PTPRD: variants seen among roughly 807,000 people sequenced by gnomAD.
PTPRD encodes the protein receptor-type tyrosine-protein phosphatase delta.
Under a neutral mutation model 214.5 loss-of-function variants are expected in PTPRD, and 34 were observed. The ratio of observed to expected loss-of-function variants is 0.16; its 90% confidence interval spans 0.12 to 0.21. The LOEUF is 0.21. PTPRD is among the 10% of genes least tolerant of loss of function. PTPRD has a pLI of 1.00. For missense variants in PTPRD, 2,545 were observed against 2,398.7 expected, an observed-to-expected ratio of 1.06 and a Z score of -1.27; for synonymous variants, 1,128 against 845.7, an observed-to-expected ratio of 1.33 and a Z score of -5.79.
chr9:8,634,799 A>G (rs1349090973), intron 13 of PTPRD, among the ~76,000 whole-genome samples: 1 of 151,860 alleles, frequency 6.6e-6, no homozygotes, highest in African/African-American at 2.4e-5. Flanking sequence ...TTATTAATAA[A>G]TGTCATTGTA....
intron 3 of PTPRD, among the ~76,000 whole-genome samples, chr9:10,239,670 GAC>G (rs1192188194): frequency 6.6e-6 from 1 of 150,520 alleles, no homozygotes; most frequent in Non-Finnish European, 1.5e-5. Flanking sequence ...TTAGTGGTGT[GAC>G]ACTATAGGAA....
intron 8 of PTPRD, among the ~76,000 whole-genome samples, chr9:9,459,099 G>A (rs1333108): frequency 0.69 from 104,286 of 151,824 alleles, 36,009 homozygotes; most frequent in Middle Eastern, 0.79. Context: ...GTCTGCAGAG[G>A]TGGATGCCTG....
At position 8,314,848 on chromosome 9, in the gene PTPRD, T is replaced by A. The variant is rs1198032294; in HGVS notation, c.*3026A>T. The stretch of plus-strand genomic sequence containing the variant: ...ATTGGGTGTAGAATCAATAGGGCAG[T>A]GCATAGTACAAAGGTATAGAAAGTG... On this transcript the variant is annotated 3_prime_UTR_variant, in exon 46 of 46. Coordinates refer to ENST00000381196, the MANE Select transcript of PTPRD (RefSeq NM_002839.4). 1 of 232,248 alleles carries A rather than the reference T, an allele frequency of 4.3e-6. No homozygotes were observed. Among genetic ancestry groups the A allele is most frequent in the African/African-American group, 2.2e-5 (1 of 45,200 alleles). 14.4% of individuals were successfully genotyped at this position (232,248 alleles called of 1,614,324 possible).
intron 2 of PTPRD, among the ~76,000 whole-genome samples, chr9:10,403,932 T>A (rs1012050922): frequency 1.3e-5 from 2 of 151,660 alleles, no homozygotes; most frequent in African/African-American, 2.4e-5. Context: ...TACATGCCAT[T>A]ACAACATTAG....
At chr9:10,158,350 T>C (rs1286155959) in intron 3 of PTPRD, among the ~76,000 whole-genome samples, 1 of 152,186 alleles carries the variant, frequency 6.6e-6, no homozygotes, top group African/African-American at 2.4e-5. Context: ...CTGTCAGCTC[T>C]TGTATAGTTT....
At chr9:9,622,411 T>C (rs1254269739) in intron 7 of PTPRD, among the ~76,000 whole-genome samples, 2 of 152,212 alleles carry the variant, frequency 1.3e-5, no homozygotes, top group African/African-American at 4.8e-5. Context: ...TTGATTAATA[T>C]ACAGGAGATG....
At chr9:8,476,892 C>T (rs1287334207) in intron 30 of PTPRD, among the ~76,000 whole-genome samples, 2 of 152,104 alleles carry the variant, frequency 1.3e-5, no homozygotes, top group Non-Finnish European at 2.9e-5. Flanking sequence ...AGCTTTTTCT[C>T]CTTTCTTCAA....
At chr9:10,322,512 G>T (rs1163497651) in intron 3 of PTPRD, among the ~76,000 whole-genome samples, 3 of 152,044 alleles carry the variant, frequency 2.0e-5, no homozygotes, top group African/African-American at 4.8e-5. Context: ...TTATATATTT[G>T]CATCTACAAC....
intron 9 of PTPRD, among the ~76,000 whole-genome samples, chr9:9,247,286 C>G (rs2099973486): frequency 6.6e-6 from 1 of 152,060 alleles, no homozygotes; most frequent in Non-Finnish European, 1.5e-5. Flanking sequence ...TTTCCCAACT[C>G]AGTCTATTAC....
chr9:8,983,284 T>C (rs1455968555), intron 11 of PTPRD, among the ~76,000 whole-genome samples: 2 of 151,926 alleles, frequency 1.3e-5, no homozygotes, highest in Non-Finnish European at 2.9e-5. Context: ...CAGATGAAAA[T>C]AAAATGCTTC....
intron 2 of PTPRD, among the ~76,000 whole-genome samples, chr9:10,496,210 T>C (rs1329389222): frequency 1.3e-5 from 2 of 151,866 alleles, no homozygotes; most frequent in Admixed American, 6.6e-5. Context: ...GGTATTGTTA[T>C]CTTCGAATTT....
intron 8 of PTPRD, 72 bp from the exon 9 acceptor site, chr9:9,397,554 C>A (rs1422932186): frequency 6.6e-6 from 1 of 152,310 alleles, no homozygotes; most frequent in Non-Finnish European, 1.5e-5. Context: ...TGTCTTCAAA[C>A]ACATGTTATG....
intron 23 of PTPRD, among the ~76,000 whole-genome samples, chr9:8,502,347 T>C (rs1203044172): frequency 6.6e-6 from 1 of 152,156 alleles, no homozygotes; most frequent in African/African-American, 2.4e-5. Flanking sequence ...CATATTTGAA[T>C]GTGTAGTCTG....
At chr9:10,005,573 T>C (rs2096456935) in intron 4 of PTPRD, among the ~76,000 whole-genome samples, 1 of 152,136 alleles carries the variant, frequency 6.6e-6, no homozygotes, top group Non-Finnish European at 1.5e-5. Flanking sequence ...CCTTTCTTAA[T>C]TCTTCCTAAA....
intron 7 of PTPRD, among the ~76,000 whole-genome samples, chr9:9,593,209 T>G (rs941670243): frequency 1.3e-5 from 2 of 151,754 alleles, no homozygotes; most frequent in Non-Finnish European, 2.9e-5. Flanking sequence ...TTTTTTTTGT[T>G]TTTGTTTTTC....
chr9:8,451,358 A>G (rs2095942025), intron 33 of PTPRD, among the ~76,000 whole-genome samples: 1 of 152,158 alleles, frequency 6.6e-6, no homozygotes, highest in Non-Finnish European at 1.5e-5. Context: ...CATTCCACCA[A>G]TCAGAGGTGA....
intron 9 of PTPRD, among the ~76,000 whole-genome samples, chr9:9,277,752 G>A (rs1237617158): frequency 6.6e-6 from 1 of 151,206 alleles, no homozygotes; most frequent in Admixed American, 6.6e-5. Context: ...GAATATTCCA[G>A]GCATGTTTGA....
intron 33 of PTPRD, among the ~76,000 whole-genome samples, chr9:8,456,752 G>A (rs959757117): frequency 6.6e-6 from 1 of 151,786 alleles, no homozygotes; most frequent in African/African-American, 2.4e-5. Context: ...CCTGGGATGG[G>A]GATGGAAAAA....
intron 44 of PTPRD, among the ~76,000 whole-genome samples, chr9:8,329,179 G>A (rs1217361270): frequency 1.3e-5 from 2 of 151,964 alleles, no homozygotes; most frequent in Non-Finnish European, 2.9e-5. Flanking sequence ...ATCTACCTTT[G>A]ACCTTTGATG....
Sources: allele counts gnomAD v4.1 joint callset (sites outside exome capture counted in the v4.1 genomes callset), GRCh38; gene constraint gnomAD v4.1.1; transcripts MANE v1.5; gene names NCBI Gene and HGNC (gene_info 2026-07-23, HGNC 2026-07-21).